The following CCDC148 variants were observed in gnomAD, a reference collection of about 807,000 sequenced individuals.
CCDC148 encodes the protein coiled-coil domain-containing protein 148.
CCDC148 carries 89 observed loss-of-function variants against 85.7 expected under a neutral mutation model. The observed-to-expected ratio is 1.04, with a 90% confidence interval of 0.87 to 1.24. The LOEUF (loss-of-function observed/expected upper bound fraction) is 1.24. Ranked by LOEUF, CCDC148 falls within the 50% of genes most tolerant of loss-of-function variation. CCDC148 has a pLI of 0.00. For missense variants in CCDC148, 692 were observed against 671.7 expected (o/e 1.03, Z -0.33); for synonymous variants, 230 against 213.9 (o/e 1.08, Z -0.66).
intron 8 of CCDC148, among the ~76,000 whole-genome samples, chr2:158,312,031 C>A (rs1405673412): frequency 6.6e-6 from 1 of 152,116 alleles, no homozygotes; most frequent in Non-Finnish European, 1.5e-5. Flanking sequence ...CTAAATAATT[C>A]TTTATTTTGC....
chr2:158,387,594 T>C (rs1685143953), intron 1 of CCDC148, among the ~76,000 whole-genome samples: 1 of 152,150 alleles, frequency 6.6e-6, no homozygotes, highest in African/African-American at 2.4e-5. Flanking sequence ...CAATATTCCA[T>C]GGCAGATTCT....
At chr2:158,205,559 C>T (rs10184997) in intron 11 of CCDC148, among the ~76,000 whole-genome samples, 42,573 of 151,850 alleles carry the variant, frequency 0.28, 6,108 homozygotes, top group Middle Eastern at 0.34. Flanking sequence ...TTGGGTGTGT[C>T]CAGAGACATA....
At chr2:158,288,223 G>A (rs552409640) in intron 9 of CCDC148, among the ~76,000 whole-genome samples, 9 of 152,278 alleles carry the variant, frequency 5.9e-5, no homozygotes, top group South Asian at 2.1e-4. Context: ...GAAGACCTCT[G>A]ACATGCCCTG....
chr2:158,238,140 A>G (rs1688192232), intron 10 of CCDC148, among the ~76,000 whole-genome samples: 1 of 152,098 alleles, frequency 6.6e-6, no homozygotes, highest in South Asian at 2.1e-4. Context: ...TGAAGAGGGC[A>G]TGTGGGATCA....
At chr2:158,286,209 A>T (rs1235137378) in intron 9 of CCDC148, among the ~76,000 whole-genome samples, 1 of 152,210 alleles carries the variant, frequency 6.6e-6, no homozygotes, top group Non-Finnish European at 1.5e-5. Flanking sequence ...CAAAGACACC[A>T]AATATGTAGA....
intron 1 of CCDC148, among the ~76,000 whole-genome samples, chr2:158,455,695 A>G (rs1450191510): frequency 2.6e-5 from 4 of 152,350 alleles, no homozygotes; most frequent in African/African-American, 9.6e-5. Flanking sequence ...GAATGTAAGA[A>G]TATCAGTGGC....
At chr2:158,216,729 A>C (rs1686884326) in intron 11 of CCDC148, among the ~76,000 whole-genome samples, 1 of 152,134 alleles carries the variant, frequency 6.6e-6, no homozygotes, top group South Asian at 2.1e-4. Flanking sequence ...GGTTCTGGTG[A>C]GGGCTCTCTT....
chr2:158,340,780 A>G, intron 3 of CCDC148, 100 bp from the exon 4 acceptor site: 1 of 704,746 alleles, frequency 1.4e-6, no homozygotes, highest in Middle Eastern at 4.1e-4. Flanking sequence ...TGGCTTTGTC[A>G]TCTGTTCATT....
At chr2:158,369,217 A>G (rs1357139801) in intron 1 of CCDC148, among the ~76,000 whole-genome samples, 2 of 152,036 alleles carry the variant, frequency 1.3e-5, no homozygotes, top group Non-Finnish European at 2.9e-5. Flanking sequence ...AAGAATGTCA[A>G]TGGTAGTTTA....
intron 1 of CCDC148, among the ~76,000 whole-genome samples, chr2:158,455,932 G>A (rs1270222455): frequency 1.3e-5 from 2 of 152,146 alleles, no homozygotes; most frequent in African/African-American, 4.8e-5. Context: ...AAGAGATACT[G>A]GAAAATAGAA....
intron 1 of CCDC148, among the ~76,000 whole-genome samples, chr2:158,401,991 T>C (rs1559122010): frequency 6.6e-6 from 1 of 151,940 alleles, no homozygotes; most frequent in Non-Finnish European, 1.5e-5. Flanking sequence ...AATCTGAAAT[T>C]TATCTCCTTA....
intron 1 of CCDC148, chr2:158,366,102 A>G (rs1429768130): frequency 7.2e-7 from 1 of 1,394,794 alleles, no homozygotes; most frequent in Non-Finnish European, 9.7e-7. Flanking sequence ...GAGAACTAAA[A>G]TTTCATAATA....
intron 1 of CCDC148, among the ~76,000 whole-genome samples, chr2:158,367,303 C>T (rs1474229910): frequency 6.6e-6 from 1 of 152,178 alleles, no homozygotes; most frequent in Non-Finnish European, 1.5e-5. Flanking sequence ...CCTACTGCAT[C>T]CCCTCCCTAG....
At chr2:158,205,958 C>T (rs1005645164) in intron 11 of CCDC148, among the ~76,000 whole-genome samples, 1 of 152,106 alleles carries the variant, frequency 6.6e-6, no homozygotes, top group Non-Finnish European at 1.5e-5. Flanking sequence ...CACAATCATG[C>T]CTTCTTTGCA....
At chr2:158,193,459 G>C (rs945319618) in intron 11 of CCDC148, among the ~76,000 whole-genome samples, 2 of 151,994 alleles carry the variant, frequency 1.3e-5, no homozygotes, top group African/African-American at 4.8e-5. Flanking sequence ...ACCCTGATTA[G>C]TGTGCACCAA....
chr2:158,192,939 T>C (rs183122660), intron 11 of CCDC148, among the ~76,000 whole-genome samples: 105 of 152,196 alleles, frequency 6.9e-4, no homozygotes, highest in African/African-American at 2.4e-3. Flanking sequence ...CTTAGAGATA[T>C]TGTCAACCCT....
At chr2:158,248,458 G>A (rs971454942) in intron 10 of CCDC148, among the ~76,000 whole-genome samples, 27 of 152,060 alleles carry the variant, frequency 1.8e-4, no homozygotes, top group South Asian at 8.3e-4. Context: ...AAAATAAGTC[G>A]TATGCCTTGG....
At chr2:158,344,864 G>A (rs1026263195) in intron 3 of CCDC148, among the ~76,000 whole-genome samples, 4 of 151,976 alleles carry the variant, frequency 2.6e-5, no homozygotes, top group African/African-American at 9.7e-5. Flanking sequence ...GCCCGTGATA[G>A]GATCTTTACC....
intron 1 of CCDC148, among the ~76,000 whole-genome samples, chr2:158,401,757 A>G (rs948153697): frequency 1.5e-4 from 23 of 152,066 alleles, no homozygotes; most frequent in African/African-American, 4.8e-4. Context: ...CCTCAAGTTG[A>G]TTCTGACTCA....
Sources: allele counts gnomAD v4.1 joint callset (sites outside exome capture counted in the v4.1 genomes callset), GRCh38; gene constraint gnomAD v4.1.1; transcripts MANE v1.5; gene names NCBI Gene and HGNC (gene_info 2026-07-23, HGNC 2026-07-21).